The following SCN1A variants were observed in gnomAD, a reference collection of about 807,000 sequenced individuals.
The protein encoded by SCN1A is sodium channel protein type 1 subunit alpha.
In SCN1A, 13 loss-of-function variants were observed where a neutral mutation model predicts 193.7. The ratio of observed to expected loss-of-function variants is 0.07; its 90% CI spans 0.04 to 0.11. The LOEUF (loss-of-function observed/expected upper bound fraction) is 0.11, where lower values mean the gene tolerates loss of function less well. Among genes scored for constraint, SCN1A ranks in the 10% least tolerant of loss-of-function variants. The pLI, the probability that SCN1A is intolerant of heterozygous loss-of-function variation, is 1.00. For missense variants in SCN1A, 1,432 were observed against 2,451.1 expected (o/e 0.58, Z 8.78); for synonymous variants, 781 against 843.6 (o/e 0.93, Z 1.29).
At chr2:166,134,516 G>A (rs1691779865) in intron 1 of SCN1A, among the ~76,000 whole-genome samples, 2 of 152,178 alleles carry the variant, frequency 1.3e-5, no homozygotes, top group South Asian at 2.1e-4. Flanking sequence ...AATAAAGAAA[G>A]TGACTGTCCT....
chr2:166,147,807 T>C (rs973477792), intron 1 of SCN1A, among the ~76,000 whole-genome samples: 6 of 152,228 alleles, frequency 3.9e-5, no homozygotes, highest in South Asian at 2.1e-4. Context: ...AAATAATCAA[T>C]GTGCTGCTGT....
rs1393270277 is a variant in SCN1A, at chr2:166,041,420, G to A, written c.2226C>T (p.Ser742=). 1 of 1,612,392 alleles carries A rather than the reference G, an allele frequency of 6.2e-7. No individual in the cohort carries two copies. Among genetic ancestry groups the A allele is most frequent in the African/African-American group, 1.3e-5 (1 of 74,450 alleles). ...QKCPPCWYKF[S]NIFLIWDCSP... ...AACAGTCCCAGATTAAGAATATGTT[G>A]GAAAATTTATACCAACAGGGTGGGC... The change falls in exon 16 of 29, where the codon TCC becomes TCT. Residue 742 remains serine (S), a synonymous_variant. Coordinates refer to ENST00000674923, the MANE Select transcript of SCN1A (RefSeq NM_001165963.4).
At chr2:166,027,562 G>A (rs2105735432) in intron 19 of SCN1A, among the ~76,000 whole-genome samples, 1 of 151,380 alleles carries the variant, frequency 6.6e-6, no homozygotes, top group Non-Finnish European at 1.5e-5. Flanking sequence ...GTCATGCGAT[G>A]TCTATATATT....
intron 2 of SCN1A, among the ~76,000 whole-genome samples, chr2:166,094,594 A>G (rs553214068): frequency 1.3e-5 from 2 of 152,226 alleles, no homozygotes; most frequent in Non-Finnish European, 2.9e-5. Context: ...TGCAGAAAAT[A>G]AGTTGGATAT....
At chr2:166,045,815 T>C (rs1697762446) in intron 12 of SCN1A, among the ~76,000 whole-genome samples, 1 of 152,136 alleles carries the variant, frequency 6.6e-6, no homozygotes, top group Non-Finnish European at 1.5e-5. Context: ...TAATCCTATT[T>C]ATGGACAGTT....
intron 2 of SCN1A, among the ~76,000 whole-genome samples, chr2:166,095,881 A>G (rs1687321647): frequency 6.6e-6 from 1 of 152,216 alleles, no homozygotes; most frequent in Admixed American, 6.5e-5. Flanking sequence ...ATTTAGATAA[A>G]TGGTAATTAA....
At position 166,021,916 on chromosome 2, in the gene SCN1A, A is replaced by G. The variant is rs1401643495; in HGVS notation, c.3430-6189T>C. 3.9e-5 allele frequency among the ~76,000 whole-genome samples: 6 copies of G among 152,162 alleles called. No homozygotes were observed. In the East Asian group the frequency reaches 1.2e-3, roughly 29 times the overall value. ...TCCACTTTCATCTAATTTATGCATG[A>G]TACATGAAAAAATTTGATTAAAATA... is the stretch of plus-strand genomic sequence containing the variant. On this transcript the variant is annotated intron_variant, in intron 19 of 28. Transcript: ENST00000674923.
chr2:166,135,100 C>G (rs1691804880), intron 1 of SCN1A, among the ~76,000 whole-genome samples: 1 of 151,914 alleles, frequency 6.6e-6, no homozygotes, highest in South Asian at 2.1e-4. Flanking sequence ...TTCAGCAATC[C>G]CCCCTACCCC....
rs775976418 is a variant in SCN1A, at chr2:165,994,132, T to C, written c.4852+14A>G. On this transcript the variant is annotated intron_variant, in intron 28 of 28. Coordinates refer to ENST00000674923, the MANE Select transcript of SCN1A (RefSeq NM_001165963.4). ...TTTATTTAACTGAATTTAAGAACTT[T>C]AAATATTTCTTACCTACAATGGAGA... The C allele has an allele frequency of 6.3e-7, 1 of 1,588,146 alleles. No individual in the cohort carries two copies. The highest frequency in any genetic ancestry group is 8.6e-7 in the Non-Finnish European group (1 of 1,160,838).
intron 27 of SCN1A, among the ~76,000 whole-genome samples, chr2:165,995,243 CTCA>C (rs2105455787): frequency 6.6e-6 from 1 of 151,804 alleles, no homozygotes; most frequent in South Asian, 2.1e-4. Context: ...GTATATATTT[CTCA>C]TCATTCTCAG....
At chr2:166,058,185 T>C (rs1699309463) in intron 5 of SCN1A, among the ~76,000 whole-genome samples, 1 of 152,044 alleles carries the variant, frequency 6.6e-6, no homozygotes, top group African/African-American at 2.4e-5. Flanking sequence ...TAAACTTGAG[T>C]CTGGAAGTAG....
intron 2 of SCN1A, among the ~76,000 whole-genome samples, chr2:166,094,571 A>G (rs372030636): frequency 1.2e-4 from 19 of 152,342 alleles, no homozygotes; most frequent in African/African-American, 4.1e-4. Flanking sequence ...AGATGTTTCA[A>G]AGTAGGGCCA....
intron 19 of SCN1A, among the ~76,000 whole-genome samples, chr2:166,029,577 A>G (rs1695273902): frequency 6.6e-6 from 1 of 152,186 alleles, no homozygotes; most frequent in African/African-American, 2.4e-5. Context: ...TATTAGATGG[A>G]AAAATATCAG....
intron 3 of SCN1A, among the ~76,000 whole-genome samples, chr2:166,074,462 A>G (rs936206037): frequency 2.7e-5 from 3 of 110,780 alleles, no homozygotes. Flanking sequence ...CCATAAACTC[A>G]ATAGAAACTA....
chr2:166,142,793 G>A (rs1429404014), intron 1 of SCN1A, among the ~76,000 whole-genome samples: 1 of 152,322 alleles, frequency 6.6e-6, no homozygotes, highest in Non-Finnish European at 1.5e-5. Flanking sequence ...GAGGCCAGGT[G>A]GAGATACTTG....
chr2:166,089,775 T>C (rs961958948), intron 2 of SCN1A, among the ~76,000 whole-genome samples: 11 of 152,144 alleles, frequency 7.2e-5, no homozygotes, highest in African/African-American at 2.7e-4. Context: ...TCTTGAACAA[T>C]TAAATACTCA....
chr2:166,019,704 TC>T (rs1181351623), intron 19 of SCN1A, among the ~76,000 whole-genome samples: 1 of 152,166 alleles, frequency 6.6e-6, no homozygotes, highest in Non-Finnish European at 1.5e-5. Context: ...CATTCTAGCC[TC>T]ATGTGACTTA....
chr2:166,086,554 A>G (rs1686142851), intron 2 of SCN1A, among the ~76,000 whole-genome samples: 1 of 152,112 alleles, frequency 6.6e-6, no homozygotes, highest in South Asian at 2.1e-4. Flanking sequence ...CGTGCTTAGC[A>G]TAAATTTCTG....
intron 4 of SCN1A, among the ~76,000 whole-genome samples, chr2:166,059,811 G>A (rs902905273): frequency 1.4e-4 from 21 of 152,032 alleles, no homozygotes; most frequent in African/African-American, 5.1e-4. Context: ...CCCTATACTT[G>A]CAGGATTTTC....
Sources: allele counts gnomAD v4.1 joint callset (sites outside exome capture counted in the v4.1 genomes callset), GRCh38; gene constraint gnomAD v4.1.1; transcripts MANE v1.5; gene names NCBI Gene and HGNC (gene_info 2026-07-23, HGNC 2026-07-21).